The following MACROD2 variants were observed in gnomAD, a reference collection of about 807,000 sequenced individuals.
The protein encoded by MACROD2 is ADP-ribose glycohydrolase MACROD2.
In MACROD2, 36 loss-of-function variants were observed where a neutral mutation model predicts 70.4. The ratio of observed to expected loss-of-function variants is 0.51; its 90% CI spans 0.39 to 0.68. MACROD2 has a LOEUF of 0.68. MACROD2 is among the 30% of genes least tolerant of loss of function. The probability of loss-of-function intolerance (pLI) is 0.00; values close to 1 mark genes in which losing one functional copy is unlikely to be tolerated. For missense variants in MACROD2, 496 were observed against 538.4 expected (o/e 0.92, Z 0.78); for synonymous variants, 172 against 178.8 (o/e 0.96, Z 0.30).
intron 4 of MACROD2, among the ~76,000 whole-genome samples, chr20:14,598,175 T>C (rs148426803): frequency 8.5e-4 from 130 of 152,260 alleles, no homozygotes; most frequent in African/African-American, 2.9e-3. Flanking sequence ...TCACGCAAAC[T>C]TCATGATCAT....
At chr20:14,339,196 C>A (rs1484662191) in intron 3 of MACROD2, among the ~76,000 whole-genome samples, 1 of 152,058 alleles carries the variant, frequency 6.6e-6, no homozygotes, top group Non-Finnish European at 1.5e-5. Flanking sequence ...GTAGGTGAAC[C>A]CTTGATAAGA....
At chr20:15,723,534 T>C (rs2050818743) in intron 8 of MACROD2, among the ~76,000 whole-genome samples, 1 of 152,208 alleles carries the variant, frequency 6.6e-6, no homozygotes, top group African/African-American at 2.4e-5. Flanking sequence ...GTTGGAATCA[T>C]ACAGTAAGTA....
rs1296671617 is a variant in MACROD2 at position 15,323,368 on chromosome 20, TA to T, written c.540+93308del. 9.8e-5 allele frequency among the ~76,000 whole-genome samples: 15 copies of T among 152,334 alleles called. No homozygotes were observed. The South Asian group carries it at 2.3e-3, about 23-fold the overall frequency. On this transcript the variant is annotated intron_variant, in intron 6 of 17. Coordinates refer to ENST00000684519, the MANE Select transcript of MACROD2 (RefSeq NM_001351661.2). ...AACTTTTACAAAAGAGTACATATAA[TA>T]TTCTTTATCTGTCAATGTAAAAATG...
At chr20:14,945,612 C>T (rs1358013858) in intron 5 of MACROD2, among the ~76,000 whole-genome samples, 2 of 152,042 alleles carry the variant, frequency 1.3e-5, no homozygotes, top group African/African-American at 4.8e-5. Context: ...TTACCAATTG[C>T]AAAGCTGTTT....
At chr20:16,013,005 C>A (rs925364823) in intron 15 of MACROD2, among the ~76,000 whole-genome samples, 1 of 152,248 alleles carries the variant, frequency 6.6e-6, no homozygotes, top group East Asian at 1.9e-4. Flanking sequence ...CATGGTGAAA[C>A]CCCATCTCTA....
intron 5 of MACROD2, among the ~76,000 whole-genome samples, chr20:14,940,237 G>A (rs904336548): frequency 1.3e-5 from 2 of 150,758 alleles, no homozygotes; most frequent in African/African-American, 4.9e-5. Flanking sequence ...CAGAAGCTAA[G>A]TTGGGAGGAA....
intron 8 of MACROD2, among the ~76,000 whole-genome samples, chr20:15,722,131 A>G (rs949391688): frequency 2.0e-5 from 3 of 152,158 alleles, no homozygotes; most frequent in Non-Finnish European, 2.9e-5. Flanking sequence ...TTATATATTC[A>G]ACTTTCTCTT....
chr20:15,539,145 A>C (rs1344450769), intron 8 of MACROD2, among the ~76,000 whole-genome samples: 1 of 152,218 alleles, frequency 6.6e-6, no homozygotes, highest in Non-Finnish European at 1.5e-5. Flanking sequence ...AATGTATGTA[A>C]CCAACAAATA....
At chr20:14,334,190 A>G (rs1454933171) in intron 3 of MACROD2, among the ~76,000 whole-genome samples, 1 of 152,222 alleles carries the variant, frequency 6.6e-6, no homozygotes, top group Non-Finnish European at 1.5e-5. Context: ...GTAAATAGAT[A>G]ACTCAAAGTT....
At chr20:14,129,483 T>TG in intron 3 of MACROD2, among the ~76,000 whole-genome samples, 1 of 152,340 alleles carries the variant, frequency 6.6e-6, no homozygotes, top group South Asian at 2.1e-4. Flanking sequence ...GTGAAGATGC[T>TG]GTGAATATTG....
chr20:14,108,320 G>A (rs1342794431), intron 3 of MACROD2, among the ~76,000 whole-genome samples: 1 of 151,792 alleles, frequency 6.6e-6, no homozygotes, highest in African/African-American at 2.4e-5. Flanking sequence ...CTTTCACTAA[G>A]AGGAAGACAG....
In MACROD2 at chr20:14,190,673, CATAT is replaced by C. The variant is rs1165737410; in HGVS notation, c.271+104968_271+104971del. Among the ~76,000 whole-genome samples the C allele has an allele frequency of 7.4e-3, 289 of 39,118 alleles. 6 individuals are homozygous for C. The highest frequency in any genetic ancestry group is 0.031 in the African/African-American group (238 of 7,756). 25.7% of individuals were successfully genotyped at this position (39,118 alleles called of 152,430 possible). ...CTGAGGAAAAGAAAAGTATTCATTC[CATAT>C]ATATATATATATATATATATATTTT... On this transcript the variant is annotated intron_variant, in intron 3 of 17. Transcript: ENST00000684519.
intron 8 of MACROD2, among the ~76,000 whole-genome samples, chr20:15,775,070 G>C (rs1338486263): frequency 1.3e-5 from 2 of 152,062 alleles, no homozygotes; most frequent in African/African-American, 2.4e-5. Flanking sequence ...TCAGAAGCCA[G>C]AAACAGACAC....
At chr20:15,721,013 T>C (rs1326514975) in intron 8 of MACROD2, among the ~76,000 whole-genome samples, 3 of 152,210 alleles carry the variant, frequency 2.0e-5, no homozygotes, top group Non-Finnish European at 4.4e-5. Context: ...GGTTAATTAA[T>C]GCATTTCCAA....
chr20:14,948,698 G>A (rs1027579507), intron 5 of MACROD2, among the ~76,000 whole-genome samples: 1 of 152,122 alleles, frequency 6.6e-6, no homozygotes, highest in East Asian at 1.9e-4. Context: ...GAGAATCAGT[G>A]GTGGGGCAGA....
At chr20:14,729,062 A>G (rs2071562706) in intron 5 of MACROD2, among the ~76,000 whole-genome samples, 1 of 152,144 alleles carries the variant, frequency 6.6e-6, no homozygotes, top group South Asian at 2.1e-4. Context: ...GAAAATAGAG[A>G]GCAGTATTTT....
intron 5 of MACROD2, among the ~76,000 whole-genome samples, chr20:14,830,784 A>T (rs542144303): frequency 1.3e-5 from 2 of 152,268 alleles, no homozygotes; most frequent in East Asian, 3.9e-4. Flanking sequence ...GTACTCAGGC[A>T]CTTGAGAAAC....
chr20:15,379,606 A>G (rs1296376392), intron 6 of MACROD2, among the ~76,000 whole-genome samples: 1 of 152,092 alleles, frequency 6.6e-6, no homozygotes, highest in Non-Finnish European at 1.5e-5. Flanking sequence ...CCCCAAACTC[A>G]CATTCAATTC....
intron 8 of MACROD2, among the ~76,000 whole-genome samples, chr20:15,585,962 C>G (rs1408127039): frequency 6.6e-6 from 1 of 152,100 alleles, no homozygotes; most frequent in Admixed American, 6.6e-5. Flanking sequence ...GCATCCAATT[C>G]AAGTAAAGGG....
Sources: allele counts gnomAD v4.1 joint callset (sites outside exome capture counted in the v4.1 genomes callset), GRCh38; gene constraint gnomAD v4.1.1; transcripts MANE v1.5; gene names NCBI Gene and HGNC (gene_info 2026-07-23, HGNC 2026-07-21).